Variants in RSU1 observed in about 807,000 individuals in gnomAD.
RSU1 encodes the protein rsu-1.
RSU1 carries 26 observed loss-of-function variants against 31.1 expected under a neutral mutation model. The ratio of observed to expected loss-of-function variants is 0.84; its 90% CI spans 0.61 to 1.16. The LOEUF is 1.16. RSU1 is among the 50% of genes most tolerant of loss of function. RSU1 has a pLI of 0.00. For missense variants in RSU1, 320 were observed against 339.1 expected, an observed-to-expected ratio of 0.94 and a Z score of 0.44; for synonymous variants, 164 against 136.3, an observed-to-expected ratio of 1.20 and a Z score of -1.41.
intron 7 of RSU1, among the ~76,000 whole-genome samples, chr10:16,723,658 G>A (rs1010595427): frequency 1.3e-5 from 2 of 152,156 alleles, no homozygotes; most frequent in Non-Finnish European, 2.9e-5. Flanking sequence ...GAGTTAATCA[G>A]CCTCCAAGAA....
intron 4 of RSU1, among the ~76,000 whole-genome samples, chr10:16,761,139 C>T (rs932983513): frequency 3.3e-5 from 5 of 152,042 alleles, no homozygotes; most frequent in East Asian, 1.9e-4. Context: ...GACAAGGTTT[C>T]GCCACGTTGA....
intron 3 of RSU1, among the ~76,000 whole-genome samples, chr10:16,776,981 G>C (rs969941527): frequency 6.6e-6 from 1 of 151,604 alleles, no homozygotes; most frequent in African/African-American, 2.4e-5. Flanking sequence ...TGCAGTAGTA[G>C]CTTGCAATGT....
intron 8 of RSU1, among the ~76,000 whole-genome samples, chr10:16,633,859 G>A (rs1246385581): frequency 1.3e-5 from 2 of 152,104 alleles, no homozygotes; most frequent in Non-Finnish European, 2.9e-5. Context: ...ACAACCCCTG[G>A]ACCCCGAAGG....
intron 4 of RSU1, among the ~76,000 whole-genome samples, chr10:16,757,223 G>A (rs1239796150): frequency 6.6e-6 from 1 of 151,730 alleles, no homozygotes; most frequent in Non-Finnish European, 1.5e-5. Flanking sequence ...AGTTCCCTTT[G>A]AGCATACTTA....
intron 8 of RSU1, among the ~76,000 whole-genome samples, chr10:16,676,614 T>C (rs1835237672): frequency 6.6e-6 from 1 of 152,174 alleles, no homozygotes; most frequent in Admixed American, 6.5e-5. Flanking sequence ...TGGATTGACA[T>C]ATTTGTACTC....
intron 3 of RSU1, among the ~76,000 whole-genome samples, chr10:16,779,149 C>T (rs116235296): frequency 0.023 from 3,549 of 152,220 alleles, 140 homozygotes; most frequent in African/African-American, 0.081. Context: ...GATTAAGTCC[C>T]CCGCTGACTT....
chr10:16,811,604 CATTACCG>C (rs1838410776), intron 2 of RSU1, among the ~76,000 whole-genome samples: 1 of 152,220 alleles, frequency 6.6e-6, no homozygotes, highest in Non-Finnish European at 1.5e-5. Context: ...AGTCAAATGC[CATTACCG>C]ATTCAGTCAT....
chr10:16,694,066 T>C lies in RSU1; in HGVS notation c.731+957A>G, dbSNP rs372703765. 5.9e-5 allele frequency among the ~76,000 whole-genome samples: 9 copies of C among 152,034 alleles called. No individual in the cohort carries two copies. The East Asian group carries it at 7.7e-4, about 13-fold the overall frequency. On this transcript the variant is annotated intron_variant, in intron 8 of 8. Coordinates refer to ENST00000345264, the MANE Select transcript of RSU1 (RefSeq NM_012425.4). The stretch of plus-strand genomic sequence containing the variant: ...GGGCTGGGATAAGGTAGGAAAATAA[T>C]GACGGTACATATAACAACAGAAGCA...
intron 8 of RSU1, among the ~76,000 whole-genome samples, chr10:16,687,784 A>G (rs1480896523): frequency 6.6e-6 from 1 of 152,112 alleles, no homozygotes; most frequent in Non-Finnish European, 1.5e-5. Context: ...CAGTGGTGTG[A>G]TCTTGGCTCA....
chr10:16,778,371 C>A (rs535975259), intron 3 of RSU1, among the ~76,000 whole-genome samples: 46 of 152,282 alleles, frequency 3.0e-4, no homozygotes, highest in Middle Eastern at 3.4e-3. Flanking sequence ...TTCTCTCCAG[C>A]CAGCAGTTTC....
intron 8 of RSU1, among the ~76,000 whole-genome samples, chr10:16,607,717 T>A (rs577483195): frequency 6.6e-6 from 1 of 152,176 alleles, no homozygotes. Context: ...GAACTTAACA[T>A]GCTTTGCCCA....
chr10:16,695,173 A>G lies in RSU1; in HGVS notation c.599-18T>C. On this transcript the variant is annotated intron_variant, in intron 7 of 8. Coordinates refer to ENST00000345264, the MANE Select transcript of RSU1 (RefSeq NM_012425.4). ...CAAGTTTCCTGGGGGGGGGGAAAAA[A>G]AAAGTGAAGGTCACTTCATCCAATA... 2 of 1,585,728 alleles carry G rather than the reference A, an allele frequency of 1.3e-6. No homozygotes were observed. Among genetic ancestry groups the G allele is most frequent in the Non-Finnish European group, 1.7e-6 (2 of 1,161,716 alleles).
chr10:16,802,711 C>G (rs1281466843), intron 2 of RSU1, among the ~76,000 whole-genome samples: 1 of 147,984 alleles, frequency 6.8e-6, no homozygotes, highest in Non-Finnish European at 1.5e-5. Context: ...GGAACTTACT[C>G]CAGGTATGCA....
intron 2 of RSU1, among the ~76,000 whole-genome samples, chr10:16,792,624 G>A (rs546788531): frequency 6.6e-6 from 1 of 152,326 alleles, no homozygotes; most frequent in East Asian, 1.9e-4. Context: ...CCTTGTTTTA[G>A]CACTGCAGGC....
chr10:16,664,937 TTTTC>T (rs1282865437), intron 8 of RSU1, among the ~76,000 whole-genome samples: 2 of 152,056 alleles, frequency 1.3e-5, no homozygotes, highest in Non-Finnish European at 2.9e-5. Flanking sequence ...CTCAGTTCTT[TTTTC>T]TTTCTTTCTT....
intron 4 of RSU1, among the ~76,000 whole-genome samples, chr10:16,761,835 G>A (rs757625659): frequency 5.3e-5 from 8 of 152,080 alleles, no homozygotes; most frequent in Non-Finnish European, 7.3e-5. Flanking sequence ...CAGCCTCGAC[G>A]ACAGAGTGAG....
chr10:16,710,573 G>C (rs917856560), intron 7 of RSU1, among the ~76,000 whole-genome samples: 2 of 151,582 alleles, frequency 1.3e-5, no homozygotes, highest in Admixed American at 6.6e-5. Flanking sequence ...AGTTTGAGGA[G>C]AACTGTTATT....
At chr10:16,640,653 A>G (rs112119244) in intron 8 of RSU1, among the ~76,000 whole-genome samples, 3 of 152,280 alleles carry the variant, frequency 2.0e-5, no homozygotes, top group African/African-American at 7.2e-5. Flanking sequence ...GGGCCTTCGC[A>G]TGTGTGCTTT....
chr10:16,597,230 C>A (rs745659767), intron 8 of RSU1, among the ~76,000 whole-genome samples: 1 of 152,140 alleles, frequency 6.6e-6, no homozygotes, highest in Non-Finnish European at 1.5e-5. Context: ...TCAGCTTGGC[C>A]CTGACGATGG....
Sources: gnomAD v4.1 joint callset for allele counts (sites outside exome capture counted in the v4.1 genomes callset) on GRCh38, gnomAD v4.1.1 for gene constraint, MANE v1.5 for transcripts, NCBI Gene and HGNC (gene_info 2026-07-23, HGNC 2026-07-21) for gene names.